The following MCPH1 variants were observed in gnomAD, a reference collection of about 807,000 sequenced individuals.
The protein encoded by MCPH1 is microcephalin 1, also known as microcephalin.
A neutral mutation model predicts 84.5 loss-of-function variants in MCPH1; 104 were observed. That is an observed-to-expected ratio of 1.23 (90% CI 1.05 to 1.45). The LOEUF (loss-of-function observed/expected upper bound fraction) is 1.45. MCPH1 is among the 40% of genes most tolerant of loss of function. The pLI is 0.00. For missense variants in MCPH1, 1,498 were observed against 1,005.7 expected, an observed-to-expected ratio of 1.49 and a Z score of -6.62; for synonymous variants, 514 against 366.8, an observed-to-expected ratio of 1.40 and a Z score of -4.58.
intron 12 of MCPH1, among the ~76,000 whole-genome samples, chr8:6,512,669 A>G (rs1041415985): frequency 1.3e-5 from 2 of 152,126 alleles, no homozygotes; most frequent in Admixed American, 1.3e-4. Flanking sequence ...ATGTGGCTTC[A>G]CCGTACTTAT....
intron 13 of MCPH1, among the ~76,000 whole-genome samples, chr8:6,631,436 C>T (rs1797150104): frequency 6.6e-6 from 1 of 151,582 alleles, no homozygotes; most frequent in East Asian, 1.9e-4. Flanking sequence ...GGTTAATCTT[C>T]ACAATATATA....
At chr8:6,432,429 T>G (rs1801981937) in intron 4 of MCPH1, among the ~76,000 whole-genome samples, 1 of 152,262 alleles carries the variant, frequency 6.6e-6, no homozygotes, top group Admixed American at 6.5e-5. Flanking sequence ...ATCTGGAACT[T>G]GCAGATACAG....
intron 13 of MCPH1, among the ~76,000 whole-genome samples, chr8:6,634,482 G>T: frequency 7.1e-6 from 1 of 141,794 alleles, no homozygotes; most frequent in African/African-American, 2.5e-5. Flanking sequence ...AGGATGCCAA[G>T]GACAGAATGA....
At chr8:6,410,244 G>A (rs556967685) in intron 2 of MCPH1, among the ~76,000 whole-genome samples, 2 of 152,052 alleles carry the variant, frequency 1.3e-5, no homozygotes, top group South Asian at 2.1e-4. Context: ...AAAGTGCTGG[G>A]ATTACAGGCA....
chr8:6,594,048 A>C (rs1169303602), intron 12 of MCPH1, among the ~76,000 whole-genome samples: 2 of 152,004 alleles, frequency 1.3e-5, no homozygotes, highest in Admixed American at 1.3e-4. Context: ...TCCTGGGTGC[A>C]TGTTTTTTTG....
intron 12 of MCPH1, among the ~76,000 whole-genome samples, chr8:6,572,722 C>A (rs535765106): frequency 6.6e-6 from 1 of 152,186 alleles, no homozygotes; most frequent in African/African-American, 2.4e-5. Context: ...CTGTCTGTCT[C>A]CATAAGGAGC....
At chr8:6,481,422 C>T (rs1809227992) in intron 11 of MCPH1, among the ~76,000 whole-genome samples, 1 of 152,142 alleles carries the variant, frequency 6.6e-6, no homozygotes, top group Admixed American at 6.5e-5. Context: ...TTTCGTTATT[C>T]ATAAAAACTG....
At chr8:6,460,455 A>T (rs887103382) in intron 9 of MCPH1, among the ~76,000 whole-genome samples, 1 of 151,942 alleles carries the variant, frequency 6.6e-6, no homozygotes, top group African/African-American at 2.4e-5. Flanking sequence ...GTCTCAAACA[A>T]TCCTCCTACC....
rs1214599718 is a variant in MCPH1, at chr8:6,444,438, G to A, written c.716G>A (p.Cys239Tyr). The A allele has an allele frequency of 1.9e-6, 3 of 1,614,026 alleles. No homozygotes were observed. The highest frequency in any genetic ancestry group is 3.3e-5 in the Admixed American group (2 of 60,000). ...GGLHSSFDDLCGNSGCGNQER... is the reference protein window; with the variant it reads ...GGLHSSFDDLYGNSGCGNQER... The stretch of plus-strand genomic sequence containing the variant: ...TTACACTCATCTTTTGATGATCTTT[G>A]TGGAAACTCAGGATGTGGAAATCAG... The change falls in exon 8 of 14, where the codon TGT (cysteine) becomes TAT (tyrosine). Residue 239 changes from cysteine (C) to tyrosine (Y), a missense_variant. Coordinates refer to ENST00000344683, the MANE Select transcript of MCPH1 (RefSeq NM_024596.5).
chr8:6,621,819 A>G, intron 13 of MCPH1, 128 bp downstream of exon 13: 1 of 1,249,526 alleles, frequency 8.0e-7, no homozygotes, highest in Non-Finnish European at 1.2e-6. Flanking sequence ...CTCAGCCTCC[A>G]GCATCTGCCC....
intron 3 of MCPH1, among the ~76,000 whole-genome samples, chr8:6,417,375 C>T (rs961556085): frequency 1.4e-5 from 2 of 143,938 alleles, no homozygotes; most frequent in African/African-American, 2.5e-5. Flanking sequence ...AATAAGTAAA[C>T]AAATGCTTGT....
At chr8:6,412,413 G>T (rs989365353) in intron 2 of MCPH1, among the ~76,000 whole-genome samples, 1 of 152,216 alleles carries the variant, frequency 6.6e-6, no homozygotes, top group African/African-American at 2.4e-5. Flanking sequence ...TTGGCAAACA[G>T]TTCAAAGAAT....
At chr8:6,505,301 ATGTATATAAC>A (rs1813203716) in intron 12 of MCPH1, among the ~76,000 whole-genome samples, 3 of 80,430 alleles carry the variant, frequency 3.7e-5, no homozygotes, top group African/African-American at 2.5e-4. Flanking sequence ...ATACATATAT[ATGTATATAAC>A]ATATATATGT....
chr8:6,587,644 A>C (rs570541432), intron 12 of MCPH1, among the ~76,000 whole-genome samples: 5 of 152,174 alleles, frequency 3.3e-5, no homozygotes, highest in Non-Finnish European at 7.3e-5. Context: ...TGGGGCCTGG[A>C]TGGCTTATTG....
chr8:6,539,484 C>A (rs890316468), intron 12 of MCPH1, among the ~76,000 whole-genome samples: 1 of 152,196 alleles, frequency 6.6e-6, no homozygotes, highest in African/African-American at 2.4e-5. Flanking sequence ...CTTGCCTTCA[C>A]CTGCCCTGAC....
intron 12 of MCPH1, among the ~76,000 whole-genome samples, chr8:6,619,631 C>G (rs1586826454): frequency 6.6e-6 from 1 of 151,866 alleles, no homozygotes; most frequent in Non-Finnish European, 1.5e-5. Flanking sequence ...ATTGCCCAGG[C>G]TGGAGTGCAG....
intron 12 of MCPH1, among the ~76,000 whole-genome samples, chr8:6,612,356 G>T (rs184736612): frequency 2.6e-4 from 39 of 152,194 alleles, no homozygotes; most frequent in Middle Eastern, 6.8e-3. Context: ...CTTCCCGGGC[G>T]TGATAACTCT....
intron 2 of MCPH1, among the ~76,000 whole-genome samples, chr8:6,410,463 A>G (rs1798381033): frequency 1.3e-5 from 2 of 152,334 alleles, no homozygotes; most frequent in Admixed American, 1.3e-4. Flanking sequence ...CTATGAGGAA[A>G]TGGAGATAGC....
intron 5 of MCPH1, among the ~76,000 whole-genome samples, chr8:6,437,249 T>G (rs1353537057): frequency 6.6e-6 from 1 of 152,122 alleles, no homozygotes; most frequent in Non-Finnish European, 1.5e-5. Flanking sequence ...TTTATTTTTT[T>G]GAGATGGAGT....
Sources: allele counts gnomAD v4.1 joint callset (sites outside exome capture counted in the v4.1 genomes callset), GRCh38; gene constraint gnomAD v4.1.1; transcripts MANE v1.5; gene names NCBI Gene and HGNC (gene_info 2026-07-23, HGNC 2026-07-21).